GRAMD1B: variants seen among roughly 807,000 people sequenced by gnomAD.
GRAMD1B encodes the protein GRAM domain containing 1B.
In GRAMD1B, 37 loss-of-function variants were observed where a neutral mutation model predicts 99.7. That is an observed-to-expected ratio of 0.37 (90% confidence interval 0.29 to 0.49). The LOEUF is 0.49. Ranked by LOEUF, GRAMD1B falls within the 20% of genes least tolerant of loss-of-function variation. The probability of loss-of-function intolerance (pLI) is 0.98; values close to 1 mark genes in which losing one functional copy is unlikely to be tolerated. For synonymous variants in GRAMD1B, 427 were observed against 387.6 expected (o/e 1.10, Z -1.19); for missense variants, 888 against 1,009.2 (o/e 0.88, Z 1.63).
At chr11:123,577,994 G>A (rs780335427) in intron 3 of GRAMD1B, among the ~76,000 whole-genome samples, 10 of 152,050 alleles carry the variant, frequency 6.6e-5, no homozygotes, top group Non-Finnish European at 4.4e-5. Context: ...CCTCCTCCCC[G>A]GCCATCCTTC....
At position 123,584,414 on chromosome 11, in the gene GRAMD1B, C is replaced by CGATTGGGGGAGGGGGAATGGA. The variant is rs1299693846; in HGVS notation, c.684+83_684+84insATTGGGGGAGGGGGAATGGAG. Reference sequence around the variant, plus strand: ...AGGTTGGGGGAAGGGGTGTGGGGTGCGGTTGGGCTTTCCTGTGGGCTTCTT... The same window carrying CGATTGGGGGAGGGGGAATGGA: ...AGGTTGGGGGAAGGGGTGTGGGGTGCGATTGGGGGAGGGGGAATGGAGGTTGGGCTTTCCTGTGGGCTTCTT... On this transcript the variant is annotated intron_variant, in intron 4 of 19. Coordinates refer to ENST00000635736, the MANE Select transcript of GRAMD1B (RefSeq NM_001387025.1). The CGATTGGGGGAGGGGGAATGGA allele has an allele frequency of 3.7e-4, 58 of 155,176 alleles. 12 individuals carry two copies. The highest frequency in any genetic ancestry group is 1.1e-3 in the South Asian group (6 of 5,320). 9.6% of individuals were successfully genotyped at this position (155,176 alleles called of 1,614,324 possible). A position where few individuals can be genotyped will look rare whatever the true frequency, so the allele number is the denominator to read the frequency against.
intron 2 of GRAMD1B, among the ~76,000 whole-genome samples, chr11:123,561,558 A>T (rs915192866): frequency 5.3e-5 from 8 of 152,112 alleles, no homozygotes; most frequent in Admixed American, 5.2e-4. Flanking sequence ...ATTGTTAGTT[A>T]TTTGCTTGAT....
chr11:123,598,120 A>C, intron 7 of GRAMD1B: 1 of 1,590,444 alleles, frequency 6.3e-7, no homozygotes, highest in South Asian at 1.1e-5. Context: ...CAAAGTGAGC[A>C]GTGTTTGGGA....
intron 3 of GRAMD1B, among the ~76,000 whole-genome samples, chr11:123,579,311 C>A (rs1663043509): frequency 6.6e-6 from 1 of 152,220 alleles, no homozygotes; most frequent in Non-Finnish European, 1.5e-5. Context: ...AGTCCCAAGT[C>A]TCTCCGTGCT....
intron 1 of GRAMD1B, among the ~76,000 whole-genome samples, chr11:123,456,062 T>C (rs1025885822): frequency 7.2e-5 from 11 of 152,010 alleles, no homozygotes; most frequent in Admixed American, 5.9e-4. Context: ...TCCCAGCTAC[T>C]CGGAAGCCTG....
intron 1 of GRAMD1B, among the ~76,000 whole-genome samples, chr11:123,403,777 C>T (rs1947757525): frequency 6.6e-6 from 1 of 152,024 alleles, no homozygotes; most frequent in Admixed American, 6.6e-5. Context: ...CTCCTGACCT[C>T]AGGTGATCTG....
chr11:123,421,228 G>A lies in GRAMD1B; in HGVS notation c.-175-59588G>A, dbSNP rs191274164. Among the ~76,000 whole-genome samples the A allele has an allele frequency of 4.6e-5, 7 of 152,294 alleles. No individual in the cohort carries two copies. In the East Asian group the frequency reaches 1.2e-3, roughly 25 times the overall value. ...CTATACCTTTTATGCAAATCTACAC[G>A]TCCACATGTTGGGATTAGTTCTAGT... On this transcript the variant is annotated intron_variant, in intron 1 of 20. Transcript: ENST00000638157.
At chr11:123,432,707 G>A (rs370131411) in intron 1 of GRAMD1B, among the ~76,000 whole-genome samples, 1 of 152,172 alleles carries the variant, frequency 6.6e-6, no homozygotes, top group East Asian at 1.9e-4. Flanking sequence ...ATACAGATGG[G>A]TAGTAGAAAA....
chr11:123,531,319 A>G (rs1381021903), intron 2 of GRAMD1B, among the ~76,000 whole-genome samples: 1 of 152,198 alleles, frequency 6.6e-6, no homozygotes, highest in Non-Finnish European at 1.5e-5. Flanking sequence ...CAGATTTCTT[A>G]AAAGGATAAG....
chr11:123,380,293 T>C (rs930777331), intron 1 of GRAMD1B, among the ~76,000 whole-genome samples: 10 of 152,236 alleles, frequency 6.6e-5, no homozygotes, highest in East Asian at 1.9e-4. Context: ...GAGAGTTTTA[T>C]AGTTTTAGCT....
At chr11:123,438,763 G>A (rs1356279150) in intron 1 of GRAMD1B, among the ~76,000 whole-genome samples, 1 of 152,200 alleles carries the variant, frequency 6.6e-6, no homozygotes, top group Non-Finnish European at 1.5e-5. Context: ...CCTAGTTGGT[G>A]CATTTCTCCC....
At chr11:123,436,314 A>G (rs911827310) in intron 1 of GRAMD1B, among the ~76,000 whole-genome samples, 8 of 152,144 alleles carry the variant, frequency 5.3e-5, no homozygotes, top group Non-Finnish European at 1.0e-4. Context: ...CCACTGATCT[A>G]TAGAGAGCTG....
At chr11:123,551,223 C>T (rs929975917) in intron 2 of GRAMD1B, among the ~76,000 whole-genome samples, 13 of 152,218 alleles carry the variant, frequency 8.5e-5, no homozygotes, top group African/African-American at 3.1e-4. Context: ...TGGATGCGGT[C>T]TGTCCTCAGG....
At chr11:123,410,398 G>A (rs1302661769) in intron 1 of GRAMD1B, among the ~76,000 whole-genome samples, 1 of 152,090 alleles carries the variant, frequency 6.6e-6, no homozygotes, top group African/African-American at 2.4e-5. Context: ...GAGAGAAGCA[G>A]AAGATTTCTT....
chr11:123,368,763 A>C (rs2135718873), intron 1 of GRAMD1B, among the ~76,000 whole-genome samples: 1 of 151,294 alleles, frequency 6.6e-6, no homozygotes, highest in East Asian at 1.9e-4. Flanking sequence ...CAGGATGAGG[A>C]TTGGAAAGAG....
At chr11:123,545,111 A>C (rs1303121110) in intron 2 of GRAMD1B, among the ~76,000 whole-genome samples, 1 of 152,138 alleles carries the variant, frequency 6.6e-6, no homozygotes, top group African/African-American at 2.4e-5. Context: ...ATTGCCTCAC[A>C]GCCACCAGCT....
At chr11:123,552,121 A>G (rs1004321058) in intron 2 of GRAMD1B, among the ~76,000 whole-genome samples, 5 of 152,044 alleles carry the variant, frequency 3.3e-5, no homozygotes, top group Admixed American at 6.5e-5. Context: ...GGAGAAGAAC[A>G]CTTTTAGAGT....
Position 123,430,997 on chromosome 11 carries a change from G to T in GRAMD1B, c.205G>T (p.Ala69Ser). The T allele has an allele frequency of 1.4e-6, 1 of 702,906 alleles. No homozygotes were observed. The highest frequency in any genetic ancestry group is 2.0e-5 in the Admixed American group (1 of 50,020). The allele number at this position is 702,906 out of a possible 1,614,324, so 43.5% of individuals were successfully genotyped here. The change falls in exon 1 of 20, where the codon GCC becomes TCC. Residue 69 changes from alanine to serine, a missense_variant. Ala to Ser is a moderately conservative substitution (Grantham distance 99, BLOSUM62 1). Coordinates refer to ENST00000635736, the MANE Select transcript of GRAMD1B (RefSeq NM_001387025.1). ...GGCCCGGGACCTGCCCGCCGTCTTG[G>T]CCCCCGGCAAGGAGTTCCTGCAGCT... ...GLARDLPAVL[A>S]PGKEFLQLPS...
At chr11:123,600,683 A>G in intron 8 of GRAMD1B, 135 bp downstream of exon 8, 2 of 582,430 alleles carry the variant, frequency 3.4e-6, no homozygotes, top group South Asian at 2.3e-5. Context: ...TGAAAGTAGC[A>G]TATAATCTCC....
Sources: allele counts gnomAD v4.1 joint callset (sites outside exome capture counted in the v4.1 genomes callset), GRCh38; gene constraint gnomAD v4.1.1; transcripts MANE v1.5; gene names NCBI Gene and HGNC (gene_info 2026-07-23, HGNC 2026-07-21).